The following CDC42BPA variants were observed in gnomAD, a reference collection of about 807,000 sequenced individuals.
CDC42BPA encodes the protein serine/threonine-protein kinase MRCK alpha.
CDC42BPA carries 80 observed loss-of-function variants against 223.5 expected under a neutral mutation model. The observed-to-expected ratio is 0.36, with a 90% confidence interval of 0.30 to 0.43. The LOEUF (loss-of-function observed/expected upper bound fraction) is 0.43. Among genes scored for constraint, CDC42BPA ranks in the 20% least tolerant of loss-of-function variants. The pLI is 1.00. For synonymous variants in CDC42BPA, 694 were observed against 718.6 expected (o/e 0.97, Z 0.55); for missense variants, 1,743 against 2,099.9 (o/e 0.83, Z 3.32).
intron 21 of CDC42BPA, among the ~76,000 whole-genome samples, chr1:227,060,026 TTTTG>T (rs1675487595): frequency 1.2e-5 from 1 of 85,642 alleles, no homozygotes; most frequent in East Asian, 3.1e-4. Context: ...AAAAGTTTTT[TTTTG>T]TTTTTTTTTT....
Position 227,145,703 on chromosome 1 carries a change from A to T in CDC42BPA, c.929T>A (p.Val310Glu). The change falls in exon 8 of 37, where the codon GTG (valine) becomes GAG (glutamate). Residue 310 changes from valine to glutamate, a missense_variant. Physicochemically the swap from Val to Glu is moderately radical, Grantham distance 121. Coordinates refer to ENST00000366766, the MANE Select transcript of CDC42BPA (RefSeq NM_001394014.1). The stretch of plus-strand genomic sequence containing the variant: ...AATAAGATCCTTAGCATTTTCAGAC[A>T]CATCAGTCACTTGGGCTGGAAACTG... ...RFQFPAQVTD[V>E]SENAKDLIRR... 1.2e-6 allele frequency: 2 copies of T among 1,613,636 alleles called. No individual in the cohort carries two copies. Among genetic ancestry groups the T allele is most frequent in the Non-Finnish European group, 8.5e-7 (1 of 1,179,640 alleles).
intron 10 of CDC42BPA, among the ~76,000 whole-genome samples, chr1:227,135,618 G>A (rs1253840948): frequency 1.3e-5 from 2 of 152,066 alleles, no homozygotes; most frequent in Non-Finnish European, 2.9e-5. Flanking sequence ...ACTTAGGGAG[G>A]CTGAGACGGG....
rs369190607 is a variant in CDC42BPA, at chr1:227,317,046, G to A, written c.137C>T (p.Pro46Leu). The A allele has an allele frequency of 1.5e-5, 25 of 1,613,456 alleles. 1 individual carries two copies. The Admixed American group carries it at 3.5e-4, about 23-fold the overall frequency. Residue 46 changes from proline (P) to leucine (L), a missense_variant, in exon 1 of 37, where the codon CCA (proline) becomes CTA (leucine). Pro to Leu is a moderately conservative substitution (Grantham distance 98, BLOSUM62 -3). Transcript: ENST00000366766. ...GAGAATGTTCTTCTCTCTTCTCAAT[G>A]GAGAATTATTGCATTCATCATAAAG... Reference protein sequence around the residue: ...ICLYDECNNSPLRREKNILEY... With the variant: ...ICLYDECNNSLLRREKNILEY...
At chr1:227,051,843 G>C in intron 22 of CDC42BPA, 38 bp downstream of exon 22, 1 of 1,181,248 alleles carries the variant, frequency 8.5e-7, no homozygotes, top group South Asian at 1.2e-5. Context: ...TCTGACACAA[G>C]TGAAAAGTTG....
intron 14 of CDC42BPA, among the ~76,000 whole-genome samples, chr1:227,106,871 T>C (rs1324061774): frequency 1.3e-5 from 2 of 152,224 alleles, no homozygotes; most frequent in African/African-American, 2.4e-5. Context: ...TAATTGACCA[T>C]AGATACATGC....
intron 6 of CDC42BPA, among the ~76,000 whole-genome samples, chr1:227,159,667 G>T (rs1371684317): frequency 1.3e-5 from 2 of 149,334 alleles, no homozygotes; most frequent in Non-Finnish European, 3.0e-5. Context: ...AAAAAAAACA[G>T]AATAAAACTG....
intron 34 of CDC42BPA, among the ~76,000 whole-genome samples, chr1:227,015,620 T>C (rs1666055127): frequency 6.6e-6 from 1 of 152,118 alleles, no homozygotes; most frequent in African/African-American, 2.4e-5. Flanking sequence ...AGGAAAACGA[T>C]TTAATTTCAC....
At chr1:227,274,212 T>A (rs530521793) in intron 1 of CDC42BPA, among the ~76,000 whole-genome samples, 62 of 152,194 alleles carry the variant, frequency 4.1e-4, no homozygotes, top group African/African-American at 1.4e-3. Flanking sequence ...AACCCCCCAG[T>A]GGCCACATCT....
chr1:227,306,980 A>T (rs1367376970), intron 1 of CDC42BPA, among the ~76,000 whole-genome samples: 1 of 152,246 alleles, frequency 6.6e-6, no homozygotes, highest in Admixed American at 6.5e-5. Context: ...TACTGCTTTT[A>T]CAAAACTTTC....
At chr1:227,173,433 A>G (rs1666433287) in intron 5 of CDC42BPA, among the ~76,000 whole-genome samples, 1 of 152,178 alleles carries the variant, frequency 6.6e-6, no homozygotes, top group Non-Finnish European at 1.5e-5. Flanking sequence ...ACAATCTACC[A>G]ATGTAATTTA....
At chr1:227,174,566 C>T (rs1666644125) in intron 5 of CDC42BPA, among the ~76,000 whole-genome samples, 1 of 152,050 alleles carries the variant, frequency 6.6e-6, no homozygotes, top group Non-Finnish European at 1.5e-5. Context: ...AATAGGATTG[C>T]TCTATTTCCT....
rs186601762 is a variant in CDC42BPA at position 227,314,728 on chromosome 1, T to C, written c.178+2277A>G. On this transcript the variant is annotated intron_variant, in intron 1 of 36. Coordinates refer to ENST00000366766, the MANE Select transcript of CDC42BPA (RefSeq NM_001394014.1). ...ATGTAACAACTTGTGTTATTAATAC[T>C]GCGTTCCTGTTGCAAATAGTCTTTT... Among the ~76,000 whole-genome samples, 31 of 145,312 alleles carry C rather than the reference T, an allele frequency of 2.1e-4. No individual in the cohort carries two copies. The East Asian group carries it at 5.8e-3, about 27-fold the overall frequency.
chr1:227,002,233 T>C (rs1287454640), intron 35 of CDC42BPA, among the ~76,000 whole-genome samples: 1 of 152,272 alleles, frequency 6.6e-6, no homozygotes, highest in Non-Finnish European at 1.5e-5. Flanking sequence ...TTCCTAAAGT[T>C]GTAAAACCTT....
chr1:227,308,277 C>G (rs561829349), intron 1 of CDC42BPA, among the ~76,000 whole-genome samples: 1 of 151,944 alleles, frequency 6.6e-6, no homozygotes, highest in Non-Finnish European at 1.5e-5. Context: ...AGACCTAGCC[C>G]GGTGGATTGC....
intron 21 of CDC42BPA, among the ~76,000 whole-genome samples, chr1:227,059,075 T>TA (rs1360712122): frequency 1.3e-5 from 2 of 152,106 alleles, no homozygotes; most frequent in African/African-American, 4.8e-5. Context: ...TTTGACTACT[T>TA]AGAAGGCATA....
intron 35 of CDC42BPA, among the ~76,000 whole-genome samples, chr1:226,999,723 G>C (rs1210707817): frequency 6.6e-6 from 1 of 152,054 alleles, no homozygotes. Flanking sequence ...TGATAGACTG[G>C]ATAAAGAAAA....
At chr1:227,066,912 A>C (rs1202543848) in intron 21 of CDC42BPA, among the ~76,000 whole-genome samples, 1 of 152,200 alleles carries the variant, frequency 6.6e-6, no homozygotes, top group Non-Finnish European at 1.5e-5. Flanking sequence ...ACACCTAGAA[A>C]GTTGTACAGG....
chr1:227,190,304 T>C (rs1558715869), intron 5 of CDC42BPA, among the ~76,000 whole-genome samples: 2 of 152,222 alleles, frequency 1.3e-5, no homozygotes, highest in African/African-American at 2.4e-5. Flanking sequence ...ATCTAGGCTA[T>C]GCTACTTACT....
rs1343043612 is a variant in CDC42BPA at position 226,994,065 on chromosome 1, GAA to G, written c.*201_*202del. 1.1e-4 allele frequency: 56 copies of G among 530,264 alleles called. No homozygotes were observed. The highest frequency in any genetic ancestry group is 4.3e-4 in the South Asian group (18 of 41,964). The allele number at this position is 530,264 out of a possible 1,614,324, so 32.8% of individuals were successfully genotyped here. A position where few individuals can be genotyped will look rare whatever the true frequency, so the allele number is the denominator to read the frequency against. ...ATCAACGTTAATCTAAGCTGCTACGGAAAGTCTGTCTTTGTTGTTGCTGTTAG... is the reference window on the plus strand; with the variant it reads ...ATCAACGTTAATCTAAGCTGCTACGGAGTCTGTCTTTGTTGTTGCTGTTAG... On this transcript the variant is annotated 3_prime_UTR_variant, in exon 37 of 37. Coordinates refer to ENST00000366766, the MANE Select transcript of CDC42BPA (RefSeq NM_001394014.1). The surrounding 1 kb of genome is among the most constrained non-coding windows in gnomAD (Gnocchi z 4.0).
Sources: gnomAD v4.1 joint callset for allele counts (sites outside exome capture counted in the v4.1 genomes callset) on GRCh38, gnomAD v4.1.1 for gene constraint, Gnocchi (gnomAD v3.1) non-coding constraint, MANE v1.5 for transcripts, NCBI Gene and HGNC (gene_info 2026-07-23, HGNC 2026-07-21) for gene names.